Variants in SLC17A1 observed in about 807,000 individuals in gnomAD.
SLC17A1 encodes the protein solute carrier family 17 member 1.
In SLC17A1, 51 loss-of-function variants were observed where a neutral mutation model predicts 53.5. That is an observed-to-expected ratio of 0.95 (90% CI 0.76 to 1.20). The LOEUF (loss-of-function observed/expected upper bound fraction) is 1.20, where lower values mean the gene tolerates loss of function less well. Ranked by LOEUF, SLC17A1 falls within the 50% of genes most tolerant of loss-of-function variation. SLC17A1 has a pLI of 0.00. For missense variants in SLC17A1, 538 were observed against 568.2 expected, an observed-to-expected ratio of 0.95 and a Z score of 0.54; for synonymous variants, 179 against 198.8, an observed-to-expected ratio of 0.90 and a Z score of 0.84.
chr6:25,726,046 G>A, the SLC17A1 span: 2,058 of 1,252,834 alleles, frequency 1.6e-3, 51 homozygotes, highest in East Asian at 0.033. Context: ...GTAACGTACA[G>A]CCTTTTTCTG....
the SLC17A1 span, among the ~76,000 whole-genome samples, chr6:25,765,692 AAGG>A: frequency 6.6e-6 from 1 of 152,220 alleles, no homozygotes; most frequent in Non-Finnish European, 1.5e-5. Flanking sequence ...TAGTAGCAGC[AAGG>A]AGAAGATAGA....
the SLC17A1 span, among the ~76,000 whole-genome samples, chr6:25,737,551 A>G: frequency 6.6e-6 from 1 of 152,058 alleles, no homozygotes; most frequent in African/African-American, 2.4e-5. Context: ...CTCTATTGCA[A>G]TTTCCTTATA....
At chr6:25,740,383 AT>A in the SLC17A1 span, among the ~76,000 whole-genome samples, 3,247 of 151,462 alleles carry the variant, frequency 0.021, 51 homozygotes, top group African/African-American at 0.044. Context: ...CTACAAAGTC[AT>A]TTTTTTTTAA....
chr6:25,776,451 G>A, the SLC17A1 span: 1 of 934,994 alleles, frequency 1.1e-6, no homozygotes, highest in South Asian at 2.2e-5. Context: ...AAGTATATTG[G>A]CTCATTATAG....
At chr6:25,776,586 G>T in the SLC17A1 span, 8 of 1,593,412 alleles carry the variant, frequency 5.0e-6, no homozygotes, top group Middle Eastern at 1.7e-4. Flanking sequence ...CCTAGTCTCT[G>T]GTCCTCAGAG....
intron 2 of SLC17A1, among the ~76,000 whole-genome samples, chr6:25,827,499 A>G (rs1213245329): frequency 1.3e-5 from 2 of 152,168 alleles, no homozygotes; most frequent in Non-Finnish European, 2.9e-5. Context: ...ATAGGAATCT[A>G]GTTTTATGAA....
chr6:25,777,114 G>A, the SLC17A1 span: 18 of 842,038 alleles, frequency 2.1e-5, no homozygotes, highest in East Asian at 4.8e-4. Flanking sequence ...ATTCCTGGAA[G>A]AGACTCAAAG....
chr6:25,830,381 G>A, intron 2 of SLC17A1, 143 bp downstream of exon 2: 1 of 617,662 alleles, frequency 1.6e-6, no homozygotes, highest in South Asian at 2.4e-5. Context: ...GAAAACCATA[G>A]TAGGACTGGT....
chr6:25,730,203 G>A, the SLC17A1 span, among the ~76,000 whole-genome samples: 1 of 152,088 alleles, frequency 6.6e-6, no homozygotes, highest in Non-Finnish European at 1.5e-5. Context: ...AGAGATATCT[G>A]TACTCCCATG....
chr6:25,774,191 A>G, the SLC17A1 span, among the ~76,000 whole-genome samples: 1 of 152,222 alleles, frequency 6.6e-6, no homozygotes, highest in Non-Finnish European at 1.5e-5. Flanking sequence ...AATCATTTTT[A>G]TTCAAGTATA....
chr6:25,760,536 A>G, the SLC17A1 span, among the ~76,000 whole-genome samples: 42 of 152,068 alleles, frequency 2.8e-4, no homozygotes, highest in African/African-American at 1.0e-3. Context: ...AAAAATTCCT[A>G]TCCGTTATTT....
chr6:25,825,309 G>GGAAATTGAAGGACA (rs1554132018), intron 3 of SLC17A1, among the ~76,000 whole-genome samples: 1 of 117,756 alleles, frequency 8.5e-6, no homozygotes, highest in Admixed American at 8.0e-5. Context: ...TATATGAAGG[G>GGAAATTGAAGGACA]AAAATTGAAG....
chr6:25,779,165 G>A (rs1763176693), downstream of SLC17A1: 14 of 1,613,686 alleles, frequency 8.7e-6, 1 homozygote, highest in Middle Eastern at 4.9e-4. Flanking sequence ...CTGGGCTAAA[G>A]AGCAGACATT....
Position 25,786,791 on chromosome 6 carries a change from G to A in SLC17A1, c.*3-3573C>T, listed in dbSNP as rs552000762. 3.3e-4 allele frequency among the ~76,000 whole-genome samples: 50 copies of A among 152,150 alleles called. 1 individual carries two copies. In the South Asian group the frequency reaches 1.0e-2, roughly 30 times the overall value. On this transcript the variant is annotated intron_variant, in intron 12 of 12. Transcript: ENST00000244527. Reference sequence around the variant, plus strand: ...ACACCTCAGGAGGGGTCAGAGGTGGGGTCAGCATCCTAGCGGATGAGGAGA... The same window carrying A: ...ACACCTCAGGAGGGGTCAGAGGTGGAGTCAGCATCCTAGCGGATGAGGAGA...
the SLC17A1 span, among the ~76,000 whole-genome samples, chr6:25,731,608 G>A: frequency 2.0e-5 from 3 of 152,190 alleles, no homozygotes; most frequent in Non-Finnish European, 4.4e-5. Flanking sequence ...GTTGATTAAT[G>A]CAAAGTTTAG....
At chr6:25,727,349 A>G in the SLC17A1 span, 4 of 1,443,506 alleles carry the variant, frequency 2.8e-6, no homozygotes, top group Non-Finnish European at 3.7e-6. Context: ...CCACTTAAAC[A>G]TACTGAAACA....
At chr6:25,770,061 A>G in the SLC17A1 span, 4 of 1,613,460 alleles carry the variant, frequency 2.5e-6, no homozygotes, top group Non-Finnish European at 3.4e-6. Context: ...TCTCTTTGTC[A>G]TCTAGGCCCC....
At chr6:25,773,682 C>G in the SLC17A1 span, 1 of 1,611,138 alleles carries the variant, frequency 6.2e-7, no homozygotes, top group Non-Finnish European at 8.5e-7. Flanking sequence ...GATGTAAGTA[C>G]AGAGAAAGCT....
At chr6:25,727,243 CTG>C in the SLC17A1 span, 1 of 1,613,272 alleles carries the variant, frequency 6.2e-7, no homozygotes, top group Non-Finnish European at 8.5e-7. Flanking sequence ...GCTAAACATG[CTG>C]TGTCTGAGGG....
Sources: allele counts gnomAD v4.1 joint callset (sites outside exome capture counted in the v4.1 genomes callset), GRCh38; gene constraint gnomAD v4.1.1; transcripts MANE v1.5; gene names NCBI Gene and HGNC (gene_info 2026-07-23, HGNC 2026-07-21).